MED26: variants seen among roughly 807,000 people sequenced by gnomAD.
The protein encoded by MED26 is mediator complex subunit 26, also known as mediator of RNA polymerase II transcription subunit 26.
Under a neutral mutation model 43.7 loss-of-function variants are expected in MED26, and 7 were observed. That is an observed-to-expected ratio of 0.16 (90% CI 0.09 to 0.30). MED26 has a LOEUF of 0.30. MED26 is among the 10% of genes least tolerant of loss of function. The pLI, the probability that MED26 is intolerant of heterozygous loss-of-function variation, is 1.00. For synonymous variants in MED26, 375 were observed against 371.1 expected (o/e 1.01, Z -0.12); for missense variants, 784 against 840.6 (o/e 0.93, Z 0.83).
At chr19:16,590,296 G>A (rs1599335831) in intron 1 of MED26, among the ~76,000 whole-genome samples, 1 of 152,154 alleles carries the variant, frequency 6.6e-6, no homozygotes, top group African/African-American at 2.4e-5. Context: ...CATCCAAGAA[G>A]CCAGGGTGCC....
intron 1 of MED26, among the ~76,000 whole-genome samples, chr19:16,606,849 C>G (rs2086175787): frequency 6.6e-6 from 1 of 152,220 alleles, no homozygotes; most frequent in African/African-American, 2.4e-5. Flanking sequence ...AACCCAAACC[C>G]ACCTGGGATG....
At chr19:16,625,405 C>T (rs2086269935) in intron 1 of MED26, among the ~76,000 whole-genome samples, 1 of 152,236 alleles carries the variant, frequency 6.6e-6, no homozygotes, top group African/African-American at 2.4e-5. Flanking sequence ...CAGTTCCTGA[C>T]ACCGATTTTG....
chr19:16,620,333 C>T (rs987823106), intron 1 of MED26, among the ~76,000 whole-genome samples: 4 of 152,208 alleles, frequency 2.6e-5, no homozygotes, highest in African/African-American at 7.2e-5. Flanking sequence ...CAGCTGTGTC[C>T]GCTGAGCCTC....
intron 1 of MED26, among the ~76,000 whole-genome samples, chr19:16,601,778 G>T (rs1416463667): frequency 6.6e-6 from 1 of 152,248 alleles, no homozygotes; most frequent in Admixed American, 6.5e-5. Context: ...ACAAGGTGGG[G>T]ACACCTCCCG....
At chr19:16,621,308 T>C (rs970337806) in intron 1 of MED26, among the ~76,000 whole-genome samples, 1 of 152,180 alleles carries the variant, frequency 6.6e-6, no homozygotes, top group Non-Finnish European at 1.5e-5. Context: ...AAAGAAGCAA[T>C]GAGACACTCC....
At chr19:16,603,670 T>C (rs1425852256) in intron 1 of MED26, among the ~76,000 whole-genome samples, 2 of 152,100 alleles carry the variant, frequency 1.3e-5, no homozygotes, top group Admixed American at 6.5e-5. Flanking sequence ...GGGGGCCAGA[T>C]GTAAACAGGT....
Position 16,627,860 on chromosome 19 carries a change from G to T in MED26, c.72+12C>A. 1 of 1,483,968 alleles carries T rather than the reference G, an allele frequency of 6.7e-7. No homozygotes were observed. The highest frequency in any genetic ancestry group is 9.0e-7 in the Non-Finnish European group (1 of 1,111,036). 91.9% of individuals were successfully genotyped at this position (1,483,968 alleles called of 1,614,324 possible). ...TGCGGCCTCCGTCCCAGCTCGCGCG[G>T]CGGGTACTTACGTTGCTCTGGGGGT... On this transcript the variant is annotated intron_variant, in intron 1 of 2. Transcript: ENST00000263390.
chr19:16,627,076 A>G (rs2086281302), intron 1 of MED26, among the ~76,000 whole-genome samples: 1 of 152,188 alleles, frequency 6.6e-6, no homozygotes. Context: ...TGAGACCCCC[A>G]GGTGAGGGAA....
chr19:16,580,502 G>A (rs867896419), intron 1 of MED26, among the ~76,000 whole-genome samples: 59 of 152,116 alleles, frequency 3.9e-4, no homozygotes, highest in African/African-American at 1.3e-3. Flanking sequence ...CCGAGTAGCT[G>A]AGATTATAGG....
intron 1 of MED26, among the ~76,000 whole-genome samples, chr19:16,599,543 A>G (rs1420845300): frequency 6.6e-6 from 1 of 152,168 alleles, no homozygotes; most frequent in Non-Finnish European, 1.5e-5. Flanking sequence ...TTTGTCACCC[A>G]GAATCCCATA....
chr19:16,583,286 TTTCCCAAAGG>T (rs2086054683), intron 1 of MED26, among the ~76,000 whole-genome samples: 1 of 152,246 alleles, frequency 6.6e-6, no homozygotes, highest in Non-Finnish European at 1.5e-5. Flanking sequence ...GCCAAGTTGC[TTTCCCAAAGG>T]GGCAGGAATC....
intron 1 of MED26, among the ~76,000 whole-genome samples, chr19:16,582,892 G>A (rs556942075): frequency 6.6e-6 from 1 of 152,184 alleles, no homozygotes; most frequent in East Asian, 1.9e-4. Context: ...TAAGGACACC[G>A]GGAGGAAAAA....
Position 16,625,468 on chromosome 19 carries a change from T to C in MED26, c.72+2404A>G, listed in dbSNP as rs377417039. Among the ~76,000 whole-genome samples, 8 of 152,146 alleles carry C rather than the reference T, an allele frequency of 5.3e-5. No individual in the cohort carries two copies. The East Asian group carries it at 1.5e-3, about 29-fold the overall frequency. On this transcript the variant is annotated intron_variant, in intron 1 of 2. Transcript: ENST00000263390. Reference sequence around the variant, plus strand: ...AATTGCATGCCCATAAAGGTAAGCATTACATGACACAATTCTCTGCCGCTT... The same window carrying C: ...AATTGCATGCCCATAAAGGTAAGCACTACATGACACAATTCTCTGCCGCTT...
chr19:16,591,882 C>T (rs2086099360), intron 1 of MED26, among the ~76,000 whole-genome samples: 1 of 152,208 alleles, frequency 6.6e-6, no homozygotes. Context: ...CTGACTTTCC[C>T]CGCTAGAGAG....
intron 1 of MED26, among the ~76,000 whole-genome samples, chr19:16,584,483 C>G (rs1307894815): frequency 1.3e-5 from 2 of 152,144 alleles, no homozygotes; most frequent in Admixed American, 1.3e-4. Flanking sequence ...GCTGGACACG[C>G]ACAGAGACAG....
chr19:16,620,066 G>C (rs923758138), intron 1 of MED26, among the ~76,000 whole-genome samples: 2 of 152,178 alleles, frequency 1.3e-5, no homozygotes, highest in Non-Finnish European at 2.9e-5. Flanking sequence ...AAAAATACCT[G>C]ACGAGAAAGA....
intron 1 of MED26, among the ~76,000 whole-genome samples, chr19:16,604,931 T>G (rs2086165554): frequency 6.6e-6 from 1 of 152,118 alleles, no homozygotes; most frequent in Non-Finnish European, 1.5e-5. Context: ...TGTTACCCCA[T>G]TTTCCCACCA....
chr19:16,625,839 A>G (rs1180285855), intron 1 of MED26, among the ~76,000 whole-genome samples: 2 of 152,222 alleles, frequency 1.3e-5, no homozygotes, highest in African/African-American at 4.8e-5. Context: ...CAGAGGGTCA[A>G]TCACAAAGGA....
chr19:16,577,468 G>A lies in MED26; in HGVS notation c.362C>T (p.Pro121Leu). Residue 121 changes from proline (P) to leucine (L), a missense_variant, in exon 3 of 3, where the codon CCC (proline) becomes CTC (leucine). By Grantham distance (98) the Pro-to-Leu change is moderately conservative (BLOSUM62 -3). This residue lies in a region of MED26 where 719 missense variants were observed against 730.9 expected (regional missense o/e 0.98). Transcript: ENST00000263390. The surrounding 1 kb of genome is among the most constrained non-coding windows in gnomAD (Gnocchi z 8.1). ...GCTCTTCAGGTCATGGATGCTCCTG[G>A]GTGGGCCAGCCGCCCCCACCTCCGG... is the stretch of plus-strand genomic sequence containing the variant. ...CRPEVGAAGP[P>L]RSIHDLKSRN... 6.3e-7 allele frequency: 1 copy of A among 1,590,346 alleles called. No homozygotes were observed.
Sources: allele counts gnomAD v4.1 joint callset (sites outside exome capture counted in the v4.1 genomes callset), GRCh38; gene constraint gnomAD v4.1.1; regional missense constraint gnomAD v4.1.1; non-coding constraint Gnocchi (gnomAD v3.1); transcripts MANE v1.5; gene names NCBI Gene and HGNC (gene_info 2026-07-23, HGNC 2026-07-21).